AQR: variants seen among roughly 807,000 people sequenced by gnomAD.
The protein encoded by AQR is aquarius intron-binding spliceosomal factor.
In AQR, 61 loss-of-function variants were observed where a neutral mutation model predicts 180.5. That is an observed-to-expected ratio of 0.34 (90% confidence interval 0.28 to 0.42). The LOEUF is 0.42. Ranked by LOEUF, AQR falls within the 10% of genes least tolerant of loss-of-function variation. The probability of loss-of-function intolerance (pLI) is 1.00; values close to 1 mark genes in which losing one functional copy is unlikely to be tolerated. For missense variants in AQR, 1,281 were observed against 1,798.3 expected (o/e 0.71, Z 5.20); for synonymous variants, 551 against 588.8 (o/e 0.94, Z 0.93).
intron 19 of AQR, 34 bp from the exon 20 acceptor site, chr15:34,900,897 G>T: frequency 6.5e-7 from 1 of 1,548,874 alleles, no homozygotes; most frequent in Non-Finnish European, 8.7e-7. Flanking sequence ...GATTGTGTCA[G>T]TATGACATCT....
chr15:34,914,010 G>A (rs1386794614), intron 16 of AQR, among the ~76,000 whole-genome samples: 3 of 152,168 alleles, frequency 2.0e-5, no homozygotes, highest in Non-Finnish European at 4.4e-5. Context: ...TGAAAAAATA[G>A]ATCATAATCA....
intron 20 of AQR, among the ~76,000 whole-genome samples, chr15:34,899,541 A>AT (rs941865746): frequency 0.012 from 1,714 of 144,256 alleles, 28 homozygotes; most frequent in African/African-American, 0.037. Flanking sequence ...AATCTTGCTA[A>AT]TTTTTTTTTT....
chr15:34,953,742 A>G (rs963116702), intron 3 of AQR, among the ~76,000 whole-genome samples: 2 of 152,246 alleles, frequency 1.3e-5, no homozygotes, highest in African/African-American at 2.4e-5. Flanking sequence ...ACTGTATGTT[A>G]GACAACAGAA....
At chr15:34,879,800 T>C (rs1892943140) in intron 27 of AQR, among the ~76,000 whole-genome samples, 2 of 152,104 alleles carry the variant, frequency 1.3e-5, no homozygotes, top group Admixed American at 1.3e-4. Context: ...GGAGAGGATC[T>C]TGGAACTTGG....
rs1040566465 is a variant in AQR, at chr15:34,886,733, C to T, written c.2682-72G>A. 5 of 1,429,000 alleles carry T rather than the reference C, an allele frequency of 3.5e-6. No individual in the cohort carries two copies. The African/African-American group carries it at 5.8e-5, about 17-fold the overall frequency. 88.5% of individuals were successfully genotyped at this position (1,429,000 alleles called of 1,614,324 possible). A position where few individuals can be genotyped will look rare whatever the true frequency, so the allele number is the denominator to read the frequency against. On this transcript the variant is annotated intron_variant, in intron 24 of 34. Coordinates refer to ENST00000156471, the MANE Select transcript of AQR (RefSeq NM_014691.3). ...TTTGAAGGAAACAATCAGCAAAATT[C>T]AAGAAAATCATAATAGCAAAGAAGA...
intron 14 of AQR, 150 bp from the exon 15 acceptor site, chr15:34,918,528 G>A (rs545707356): frequency 2.8e-5 from 24 of 858,668 alleles, no homozygotes; most frequent in Non-Finnish European, 4.1e-5. Flanking sequence ...ATAGATCAAA[G>A]ATGAGAAACA....
chr15:34,886,649 A>T lies in AQR; in HGVS notation c.2694T>A (p.Val898=). The T allele has an allele frequency of 6.2e-7, 1 of 1,612,906 alleles. No homozygotes were observed. Among genetic ancestry groups the T allele is most frequent in the South Asian group, 1.1e-5 (1 of 90,754 alleles). Residue 898 remains valine, a synonymous_variant, in exon 25 of 35, where the codon GTT becomes GTA. Transcript: ENST00000156471. ...CTATTCTTCGAGCCAGAACATAATT[A>T]ACTCTTCCATACCTAGACATTTCAA... is the stretch of plus-strand genomic sequence containing the variant. ...TEKDFSRYGR[V]NYVLARRIEL...
At chr15:34,908,324 C>A (rs920579890) in intron 17 of AQR, among the ~76,000 whole-genome samples, 11 of 151,952 alleles carry the variant, frequency 7.2e-5, no homozygotes, top group African/African-American at 2.7e-4. Flanking sequence ...GTAATCCCAG[C>A]TACTCGGGAG....
At chr15:34,938,290 T>G (rs755020376) in intron 9 of AQR, among the ~76,000 whole-genome samples, 1 of 152,096 alleles carries the variant, frequency 6.6e-6, no homozygotes, top group Non-Finnish European at 1.5e-5. Context: ...TCCCAGCACT[T>G]TGAGAGGCTG....
chr15:34,882,415 G>A (rs1892984273), intron 27 of AQR, 87 bp downstream of exon 27: 12 of 1,272,096 alleles, frequency 9.4e-6, no homozygotes, highest in Non-Finnish European at 1.1e-5. Flanking sequence ...ACATTTTAAG[G>A]TAATTATAAA....
intron 16 of AQR, among the ~76,000 whole-genome samples, chr15:34,912,210 T>G (rs1436155484): frequency 6.6e-6 from 1 of 152,178 alleles, no homozygotes; most frequent in Non-Finnish European, 1.5e-5. Flanking sequence ...AAGTATGATG[T>G]CTCCAGCTTT....
chr15:34,934,431 G>A (rs986556358), intron 10 of AQR, 140 bp downstream of exon 10: 4 of 351,378 alleles, frequency 1.1e-5, no homozygotes, highest in Non-Finnish European at 9.9e-6. Context: ...TCATTAATGT[G>A]AGAAATTGAA....
At chr15:34,903,244 GATGTTGGAGAGGACACCAGAAGAC>G (rs1189754066) in intron 19 of AQR, among the ~76,000 whole-genome samples, 1 of 152,190 alleles carries the variant, frequency 6.6e-6, no homozygotes, top group African/African-American at 2.4e-5. Flanking sequence ...GTTAGAAAAT[GATGTTGGAGAGGACACCAGAAGAC>G]AGATAATGAG....
intron 4 of AQR, among the ~76,000 whole-genome samples, chr15:34,952,417 T>C (rs562024326): frequency 3.3e-5 from 5 of 152,352 alleles, no homozygotes; most frequent in African/African-American, 1.2e-4. Context: ...CTGGCTCTTA[T>C]TTTCAGCATA....
Position 34,906,661 on chromosome 15 carries a change from G to C in AQR, c.1715C>G (p.Pro572Arg). The change falls in exon 18 of 35, where the codon CCT (proline) becomes CGT (arginine). Residue 572 changes from proline (P) to arginine (R), a missense_variant. By Grantham distance (103) the Pro-to-Arg change is moderately radical. Coordinates refer to ENST00000156471, the MANE Select transcript of AQR (RefSeq NM_014691.3). ...CCTCCGGTCAAACTTAGTGCCATAA[G>C]GTTTTGTGGGACGTACGGTAATTAA... ...CFLITVRPTK[P>R]YGTKFDRRRP... 6.2e-7 allele frequency: 1 copy of C among 1,614,034 alleles called. No homozygotes were observed. Among genetic ancestry groups the C allele is most frequent in the Non-Finnish European group, 8.5e-7 (1 of 1,179,964 alleles).
At chr15:34,932,955 G>GA (rs1364266755) in intron 10 of AQR, among the ~76,000 whole-genome samples, 3 of 150,334 alleles carry the variant, frequency 2.0e-5, no homozygotes, top group East Asian at 1.9e-4. Context: ...GACTGTCTCA[G>GA]AAAAAAAAAG....
intron 3 of AQR, among the ~76,000 whole-genome samples, chr15:34,954,216 G>T (rs533081123): frequency 1.3e-5 from 2 of 151,990 alleles, no homozygotes; most frequent in African/African-American, 4.8e-5. Context: ...CACACCTGAC[G>T]TCTTTTAAAC....
intron 13 of AQR, among the ~76,000 whole-genome samples, chr15:34,921,569 T>C (rs1033960393): frequency 6.6e-6 from 1 of 152,092 alleles, no homozygotes; most frequent in Non-Finnish European, 1.5e-5. Context: ...TTGCTGTCAA[T>C]GATAAAATTT....
At chr15:34,908,668 T>A (rs541253756) in intron 17 of AQR, among the ~76,000 whole-genome samples, 113 of 152,236 alleles carry the variant, frequency 7.4e-4, no homozygotes, top group Non-Finnish European at 1.3e-3. Context: ...GAGGCTGATG[T>A]TTAAAAGAAA....
Sources: allele counts gnomAD v4.1 joint callset (sites outside exome capture counted in the v4.1 genomes callset), GRCh38; gene constraint gnomAD v4.1.1; transcripts MANE v1.5; gene names NCBI Gene and HGNC (gene_info 2026-07-23, HGNC 2026-07-21).